The following COL22A1 variants were observed in gnomAD, a reference collection of about 807,000 sequenced individuals.
COL22A1 encodes collagen type XXII alpha 1 chain.
Under a neutral mutation model 248.9 loss-of-function variants are expected in COL22A1, and 221 were observed. That is an observed-to-expected ratio of 0.89 (90% CI 0.80 to 0.99). The LOEUF (loss-of-function observed/expected upper bound fraction) is 0.99, where lower values mean the gene tolerates loss of function less well. Ranked by LOEUF, COL22A1 falls within the 50% of genes least tolerant of loss-of-function variation. The probability of loss-of-function intolerance (pLI) is 0.00; values close to 1 mark genes in which losing one functional copy is unlikely to be tolerated. For missense variants in COL22A1, 2,240 were observed against 2,179.0 expected (o/e 1.03, Z -0.56); for synonymous variants, 891 against 793.4 (o/e 1.12, Z -2.07).
intron 3 of COL22A1, among the ~76,000 whole-genome samples, chr8:138,861,442 T>C (rs1822447728): frequency 6.6e-6 from 1 of 152,174 alleles, no homozygotes; most frequent in Non-Finnish European, 1.5e-5. Context: ...CTCCCCTATC[T>C]AGATAGACTA....
intron 21 of COL22A1, among the ~76,000 whole-genome samples, chr8:138,753,572 G>C (rs369960276): frequency 6.6e-6 from 1 of 152,218 alleles, no homozygotes; most frequent in African/African-American, 2.4e-5. Context: ...GAAATGGTAC[G>C]TGCAGGGGAT....
At chr8:138,901,906 G>A (rs963738538) in intron 1 of COL22A1, among the ~76,000 whole-genome samples, 5 of 152,068 alleles carry the variant, frequency 3.3e-5, no homozygotes, top group Non-Finnish European at 5.9e-5. Flanking sequence ...TGGGGAAGGC[G>A]GGGCTACCTG....
At chr8:138,680,387 C>T (rs1825868191) in intron 39 of COL22A1, among the ~76,000 whole-genome samples, 2 of 152,198 alleles carry the variant, frequency 1.3e-5, no homozygotes, top group South Asian at 4.1e-4. Flanking sequence ...AGCCACTTGC[C>T]TTTGAGTCAT....
In COL22A1 at chr8:138,655,946, T is replaced by C; in HGVS notation, c.3286-2A>G. 1.2e-6 allele frequency: 2 copies of C among 1,610,582 alleles called. No homozygotes were observed. The highest frequency in any genetic ancestry group is 8.5e-7 in the Non-Finnish European group (1 of 1,177,316). ...TGGAGACAGTAGTGAAGAGAGGCCC[T>C]GTCAAAATAAAAAGAAACAAACACA... On this transcript the variant is annotated splice_acceptor_variant, in intron 44 of 64. Transcript: ENST00000303045. LOFTEE classifies it high-confidence loss of function.
At chr8:138,845,370 A>T (rs1238009105) in intron 3 of COL22A1, among the ~76,000 whole-genome samples, 2 of 151,786 alleles carry the variant, frequency 1.3e-5, no homozygotes, top group Non-Finnish European at 2.9e-5. Flanking sequence ...TGAGTCGGGC[A>T]TGGTGGTGCA....
chr8:138,755,448 A>T, intron 20 of COL22A1, 34 bp downstream of exon 20: 1 of 1,605,694 alleles, frequency 6.2e-7, no homozygotes, highest in Non-Finnish European at 8.5e-7. Flanking sequence ...TGTGACCTAA[A>T]TCCCCATGAG....
At chr8:138,769,814 T>C (rs1021164756) in intron 16 of COL22A1, among the ~76,000 whole-genome samples, 3 of 152,218 alleles carry the variant, frequency 2.0e-5, no homozygotes, top group Non-Finnish European at 4.4e-5. Context: ...GACTTATTGA[T>C]GACTTTTTAT....
intron 3 of COL22A1, among the ~76,000 whole-genome samples, chr8:138,856,101 TAGC>T (rs1307587329): frequency 6.6e-6 from 1 of 152,156 alleles, no homozygotes; most frequent in Admixed American, 6.5e-5. Context: ...GCCTGCTCAT[TAGC>T]AGCTCCAGAA....
intron 51 of COL22A1, among the ~76,000 whole-genome samples, chr8:138,624,002 C>T (rs1433031307): frequency 6.6e-6 from 1 of 152,062 alleles, no homozygotes; most frequent in African/African-American, 2.4e-5. Context: ...CAGTATCTGG[C>T]ATATAGTGGG....
chr8:138,793,728 C>T (rs1204177338), intron 12 of COL22A1, among the ~76,000 whole-genome samples: 1 of 152,186 alleles, frequency 6.6e-6, no homozygotes, highest in African/African-American at 2.4e-5. Flanking sequence ...CTCCTGGCAC[C>T]AGAAGGTGCC....
intron 4 of COL22A1, among the ~76,000 whole-genome samples, chr8:138,833,552 A>G (rs1820212682): frequency 6.6e-6 from 1 of 152,196 alleles, no homozygotes; most frequent in Non-Finnish European, 1.5e-5. Flanking sequence ...TCCTTCCTGC[A>G]GCCGTATGTT....
At position 138,666,953 on chromosome 8, in the gene COL22A1, A is replaced by T. The variant is rs139318519; in HGVS notation, c.3151-3213T>A. Among the ~76,000 whole-genome samples the T allele has an allele frequency of 1.1e-4, 16 of 152,308 alleles. No homozygotes were observed. The East Asian group carries it at 3.1e-3, about 29-fold the overall frequency. ...AGCTTCTCTGACCTTCACTTTTCTCAATTGTAATACAAATCTAGAGTATCA... is the reference window on the plus strand; with the variant it reads ...AGCTTCTCTGACCTTCACTTTTCTCTATTGTAATACAAATCTAGAGTATCA... On this transcript the variant is annotated intron_variant, in intron 41 of 64. Coordinates refer to ENST00000303045, the MANE Select transcript of COL22A1 (RefSeq NM_152888.3).
intron 1 of COL22A1, among the ~76,000 whole-genome samples, chr8:138,907,889 G>T (rs1239555239): frequency 6.6e-6 from 1 of 152,148 alleles, no homozygotes; most frequent in African/African-American, 2.4e-5. Context: ...CATGAGGGGT[G>T]TGCCCTCATG....
chr8:138,662,258 A>G (rs188003161), intron 42 of COL22A1, among the ~76,000 whole-genome samples, 175 bp from the exon 43 acceptor site: 22 of 152,328 alleles, frequency 1.4e-4, no homozygotes, highest in African/African-American at 5.3e-4. Context: ...ACTGTACCCT[A>G]TGGAGGTATG....
chr8:138,906,836 A>G (rs1396423339), intron 1 of COL22A1, among the ~76,000 whole-genome samples: 1 of 151,914 alleles, frequency 6.6e-6, no homozygotes, highest in Non-Finnish European at 1.5e-5. Flanking sequence ...TATTTTTAGT[A>G]GAGACACGGT....
Position 138,594,391 on chromosome 8 carries a change from C to T in COL22A1, c.4433-192G>A, listed in dbSNP as rs186880766. 8.7e-4 allele frequency among the ~76,000 whole-genome samples: 133 copies of T among 152,174 alleles called. 1 individual carries two copies. The highest frequency in any genetic ancestry group is 3.4e-3 in the Middle Eastern group (1 of 294). On this transcript the variant is annotated intron_variant, in intron 62 of 64. Coordinates refer to ENST00000303045, the MANE Select transcript of COL22A1 (RefSeq NM_152888.3). ...AGCTGCAGAAACAACATCAATGACA[C>T]GTCACATGACACATGTGCAGCATTT...
intron 10 of COL22A1, among the ~76,000 whole-genome samples, chr8:138,807,049 AG>A (rs1817784504): frequency 6.6e-6 from 1 of 152,134 alleles, no homozygotes; most frequent in South Asian, 2.1e-4. Flanking sequence ...GAGGAGAAAT[AG>A]GGGGGAGAAC....
rs750855901 is a variant in COL22A1, at chr8:138,877,844, G to C, written c.564C>G (p.Ile188Met). 2 of 1,613,356 alleles carry C rather than the reference G, an allele frequency of 1.2e-6. No homozygotes were observed. The highest frequency in any genetic ancestry group is 1.1e-5 in the South Asian group (1 of 91,044). Reference sequence around the variant, plus strand: ...CGTGGGCGGACTTGGGCTCTGAGGCGATCTCCTCCAGCTCCTCCTTGAGTG... The same window carrying C: ...CGTGGGCGGACTTGGGCTCTGAGGCCATCTCCTCCAGCTCCTCCTTGAGTG... ...GEALKEELEEIASEPKSAHVF... is the reference protein window; with the variant it reads ...GEALKEELEEMASEPKSAHVF... The change falls in exon 3 of 65, where the codon ATC (isoleucine) becomes ATG (methionine). Residue 188 changes from isoleucine to methionine, a missense_variant. Coordinates refer to ENST00000303045, the MANE Select transcript of COL22A1 (RefSeq NM_152888.3).
chr8:138,718,592 T>C (rs1829627713), intron 27 of COL22A1, among the ~76,000 whole-genome samples: 1 of 152,214 alleles, frequency 6.6e-6, no homozygotes, highest in African/African-American at 2.4e-5. Context: ...AAATCTGCCA[T>C]CCATGACTTA....
Sources: allele counts gnomAD v4.1 joint callset (sites outside exome capture counted in the v4.1 genomes callset), GRCh38; gene constraint gnomAD v4.1.1; transcripts MANE v1.5; gene names NCBI Gene and HGNC (gene_info 2026-07-23, HGNC 2026-07-21).